Variants in FAM78B observed in about 807,000 individuals in gnomAD.
FAM78B encodes protein FAM78B.
FAM78B carries 10 observed loss-of-function variants against 20.0 expected under a neutral mutation model. The ratio of observed to expected loss-of-function variants is 0.50; its 90% CI spans 0.31 to 0.85. The LOEUF is 0.85. Ranked by LOEUF, FAM78B falls within the 40% of genes least tolerant of loss-of-function variation. FAM78B has a pLI of 0.05. For synonymous variants in FAM78B, 135 were observed against 132.8 expected (o/e 1.02, Z -0.12); for missense variants, 283 against 345.0 (o/e 0.82, Z 1.42).
In FAM78B at chr1:166,152,655, GATTTATTTATTTATTTATTT is replaced by G. The variant is rs59226484; in HGVS notation, c.263+13311_263+13330del. Among the ~76,000 whole-genome samples, 233 of 140,584 alleles carry G rather than the reference GATTTATTTATTTATTTATTT, an allele frequency of 1.7e-3. 1 individual carries two copies. Among genetic ancestry groups the G allele is most frequent in the African/African-American group, 6.3e-3 (220 of 34,648 alleles). 92.2% of individuals were successfully genotyped at this position (140,584 alleles called of 152,430 possible). On this transcript the variant is annotated intron_variant, in intron 1 of 1. Coordinates refer to ENST00000354422, the MANE Select transcript of FAM78B (RefSeq NM_001017961.5). ...CTCAGGGGAAGTTCTTGGTACTCTG[GATTTATTTATTTATTTATTT>G]ATTTATTTATTTATTTATTTATTGA... is the stretch of plus-strand genomic sequence containing the variant.
chr1:166,111,155 C>T (rs1654036956), intron 1 of FAM78B, among the ~76,000 whole-genome samples: 1 of 152,158 alleles, frequency 6.6e-6, no homozygotes, highest in African/African-American at 2.4e-5. Context: ...TGGCCCTTCT[C>T]TTTCATATCT....
At chr1:166,114,896 G>A (rs1180838973) in intron 1 of FAM78B, among the ~76,000 whole-genome samples, 1 of 152,214 alleles carries the variant, frequency 6.6e-6, no homozygotes, top group Non-Finnish European at 1.5e-5. Flanking sequence ...GTATCCTGGG[G>A]CCTCCTCACT....
chr1:166,150,693 T>C (rs771255952), intron 1 of FAM78B, among the ~76,000 whole-genome samples: 11 of 152,244 alleles, frequency 7.2e-5, no homozygotes, highest in Non-Finnish European at 1.2e-4. Context: ...TCTCAAATGA[T>C]AGATCAAACA....
chr1:166,134,232 A>G (rs967361191), intron 1 of FAM78B, among the ~76,000 whole-genome samples: 2 of 119,812 alleles, frequency 1.7e-5, no homozygotes, highest in East Asian at 6.0e-4. Flanking sequence ...CTTTTATTCT[A>G]GGGACTCCCT....
intron 1 of FAM78B, among the ~76,000 whole-genome samples, chr1:166,146,764 G>A (rs1400055346): frequency 6.6e-6 from 1 of 152,230 alleles, no homozygotes; most frequent in African/African-American, 2.4e-5. Context: ...GAACATCTCA[G>A]TCAACCTTTC....
intron 1 of FAM78B, among the ~76,000 whole-genome samples, chr1:166,137,466 T>C (rs531244474): frequency 2.0e-5 from 3 of 152,024 alleles, no homozygotes; most frequent in Non-Finnish European, 2.9e-5. Context: ...GTAGCTGATA[T>C]GTGAACCCAG....
intron 1 of FAM78B, among the ~76,000 whole-genome samples, chr1:166,079,911 C>A (rs944005427): frequency 6.6e-6 from 1 of 152,192 alleles, no homozygotes; most frequent in African/African-American, 2.4e-5. Flanking sequence ...ACAGTTCCAA[C>A]CTGGAATGTT....
intron 1 of FAM78B, among the ~76,000 whole-genome samples, chr1:166,153,846 C>T (rs1045860172): frequency 6.6e-6 from 1 of 152,274 alleles, no homozygotes; most frequent in Non-Finnish European, 1.5e-5. Flanking sequence ...TCTATACCCC[C>T]CTTAGATCCC....
rs758231897 is a variant in FAM78B at position 166,166,104 on chromosome 1, AG to A, written c.144del (p.Phe49SerfsTer48). On this transcript the variant is annotated frameshift_variant, in exon 1 of 2. Transcript: ENST00000354422. LOFTEE classifies it high-confidence loss of function. ...SPIVLRYKTP[Y>X]FKASARVVMP... is the part of the protein sequence containing the mutation. ...ATGACCACGCGGGCGGAGGCTTTGA[AG>A]TAGGGGGTCTTGTAGCGCAGGACGA... 1 of 1,613,142 alleles carries A rather than the reference AG, an allele frequency of 6.2e-7. No individual in the cohort carries two copies. The highest frequency in any genetic ancestry group is 1.7e-5 in the Admixed American group (1 of 59,896).
chr1:166,076,839 A>G (rs1219026186), intron 1 of FAM78B, among the ~76,000 whole-genome samples: 1 of 152,176 alleles, frequency 6.6e-6, no homozygotes, highest in Non-Finnish European at 1.5e-5. Flanking sequence ...TGTCTGAGTT[A>G]ATTGCAAAGT....
At chr1:166,134,770 A>G (rs1407268975) in intron 1 of FAM78B, among the ~76,000 whole-genome samples, 1 of 152,168 alleles carries the variant, frequency 6.6e-6, no homozygotes, top group Non-Finnish European at 1.5e-5. Flanking sequence ...AATGCTCTCT[A>G]ATGTCCCTTT....
intron 2 of FAM78B, chr1:166,060,688 A>G: frequency 1.6e-6 from 2 of 1,270,590 alleles, no homozygotes; most frequent in Non-Finnish European, 2.1e-6. Context: ...GGAAACATGT[A>G]AATAAAGCGG....
chr1:166,070,370 C>T lies in FAM78B; in HGVS notation c.657G>A (p.Gln219=). Residue 219 remains glutamine, a synonymous_variant, in exon 2 of 2, where the codon CAG becomes CAA. Transcript: ENST00000354422. ...ARLVGRTQQE[Q]PRILSRMEPI... ...GTTCCATCCGGCTCAGGATCCGGGG[C>T]TGCTCCTGCTGAGTCCTGCCCACCA... is the stretch of plus-strand genomic sequence containing the variant. 6.2e-7 allele frequency: 1 copy of T among 1,613,838 alleles called. No homozygotes were observed. Among genetic ancestry groups the T allele is most frequent in the African/African-American group, 1.3e-5 (1 of 75,062 alleles).
rs1322983401 is a variant in FAM78B at position 166,166,843 on chromosome 1, G to C, written c.-595C>G. 6.6e-6 allele frequency: 1 copy of C among 151,040 alleles called. No homozygotes were observed. The highest frequency in any genetic ancestry group is 2.4e-5 in the African/African-American group (1 of 41,242). 9.4% of individuals were successfully genotyped at this position (151,040 alleles called of 1,614,324 possible). ...AGCAGCGGCGGCGGCGGCGACCGGA[G>C]CTCCCGCCGGCCCCGCCCCGTAGCC... On this transcript the variant is annotated 5_prime_UTR_variant, in exon 1 of 2. Transcript: ENST00000354422.
At chr1:166,086,943 T>C (rs1652854714) in intron 1 of FAM78B, 1 of 151,874 alleles carries the variant, frequency 6.6e-6, no homozygotes, top group Non-Finnish European at 1.5e-5. Context: ...CTACATGCAG[T>C]GTGGCCACAT....
At chr1:166,056,078 G>T, downstream of FAM78B, among the ~76,000 whole-genome samples, 1 of 152,300 alleles carries the variant, frequency 6.6e-6, no homozygotes, top group African/African-American at 2.4e-5. Context: ...TTGAGCATGT[G>T]CTGCTCAGGC....
At chr1:166,123,320 G>C (rs1477827908) in intron 1 of FAM78B, among the ~76,000 whole-genome samples, 3 of 152,204 alleles carry the variant, frequency 2.0e-5, no homozygotes, top group African/African-American at 7.2e-5. Context: ...TGGCTCTGTC[G>C]GCTCTTGGCC....
At chr1:166,102,723 C>T in intron 1 of FAM78B, among the ~76,000 whole-genome samples, 1 of 152,128 alleles carries the variant, frequency 6.6e-6, no homozygotes, top group East Asian at 1.9e-4. Flanking sequence ...CCTTAGAGAC[C>T]TACAAAGAGA....
downstream of FAM78B, among the ~76,000 whole-genome samples, chr1:166,065,749 A>G (rs944458413): frequency 1.3e-5 from 2 of 152,090 alleles, no homozygotes; most frequent in Admixed American, 1.3e-4. Context: ...TGTACTCAAG[A>G]TCTCAAAAGA....
Sources: gnomAD v4.1 joint callset for allele counts (sites outside exome capture counted in the v4.1 genomes callset) on GRCh38, gnomAD v4.1.1 for gene constraint, MANE v1.5 for transcripts, NCBI Gene and HGNC (gene_info 2026-07-23, HGNC 2026-07-21) for gene names.